KIRREL3: variants seen among roughly 807,000 people sequenced by gnomAD.
The protein encoded by KIRREL3 is kirre like nephrin family adhesion molecule 3, also known as kin of IRRE-like protein 3.
In KIRREL3, 36 loss-of-function variants were observed where a neutral mutation model predicts 89.7. That is an observed-to-expected ratio of 0.40 (90% CI 0.31 to 0.53). KIRREL3 has a LOEUF of 0.53. KIRREL3 is among the 20% of genes least tolerant of loss of function. KIRREL3 has a pLI of 0.49. For synonymous variants in KIRREL3, 445 were observed against 441.4 expected (o/e 1.01, Z -0.10); for missense variants, 864 against 1,056.6 (o/e 0.82, Z 2.53).
intron 1 of KIRREL3, among the ~76,000 whole-genome samples, chr11:126,675,320 G>T (rs1946139789): frequency 6.6e-6 from 1 of 152,158 alleles, no homozygotes; most frequent in Admixed American, 6.5e-5. Context: ...AATGGGCTGG[G>T]TCTTTCTTGC....
Position 126,519,994 on chromosome 11 carries a change from G to A in KIRREL3, c.433+1321C>T, listed in dbSNP as rs1958533496. 6.6e-6 allele frequency among the ~76,000 whole-genome samples: 1 copy of A among 152,146 alleles called. No homozygotes were observed. The highest frequency in any genetic ancestry group is 1.5e-5 in the Non-Finnish European group (1 of 68,028). ...ATTCCTTTCATCGCAGGCCTGGGGA[G>A]ACTCAAAGGTTGCAGGAGGTTTCTG... is the stretch of plus-strand genomic sequence containing the variant. On this transcript the variant is annotated intron_variant, in intron 4 of 16. Coordinates refer to ENST00000525144, the MANE Select transcript of KIRREL3 (RefSeq NM_032531.4). This position sits in a 1 kb window ranked among gnomAD's most constrained non-coding sequence, Gnocchi z 4.3.
At position 126,931,338 on chromosome 11, in the gene KIRREL3, C is replaced by T. The variant is rs904565963; in HGVS notation, c.55+69117G>A. On this transcript the variant is annotated intron_variant, in intron 1 of 16. Coordinates refer to ENST00000525144, the MANE Select transcript of KIRREL3 (RefSeq NM_032531.4). This position sits in a 1 kb window ranked among gnomAD's most constrained non-coding sequence, Gnocchi z 5.1. Reference sequence around the variant, plus strand: ...GACTGGAATCTATTACCTGCCTTTCCTCCCTCCCTCCATACATTCCTTCTT... The same window carrying T: ...GACTGGAATCTATTACCTGCCTTTCTTCCCTCCCTCCATACATTCCTTCTT... Among the ~76,000 whole-genome samples, 2 of 64,430 alleles carry T rather than the reference C, an allele frequency of 3.1e-5. No individual in the cohort carries two copies. The highest frequency in any genetic ancestry group is 5.8e-5 in the Non-Finnish European group (2 of 34,562). The allele number at this position is 64,430 out of a possible 152,430, so 42.3% of individuals were successfully genotyped here.
rs1945092348 is a variant in KIRREL3 at position 126,655,454 on chromosome 11, C to G, written c.56-92542G>C. 6.6e-6 allele frequency among the ~76,000 whole-genome samples: 1 copy of G among 152,106 alleles called. No homozygotes were observed. Among genetic ancestry groups the G allele is most frequent in the Non-Finnish European group, 1.5e-5 (1 of 68,024 alleles). On this transcript the variant is annotated intron_variant, in intron 1 of 16. Coordinates refer to ENST00000525144, the MANE Select transcript of KIRREL3 (RefSeq NM_032531.4). This position sits in a 1 kb window ranked among gnomAD's most constrained non-coding sequence, Gnocchi z 5.0. ...TCTTTTCTCCTTCACCCCTCCACTCCCCCCACAAACAACTGAATTTGGAAG... is the reference window on the plus strand; with the variant it reads ...TCTTTTCTCCTTCACCCCTCCACTCGCCCCACAAACAACTGAATTTGGAAG...
rs572110547 is a variant in KIRREL3, at chr11:126,653,958, T to C, written c.56-91046A>G. On this transcript the variant is annotated intron_variant, in intron 1 of 16. Coordinates refer to ENST00000525144, the MANE Select transcript of KIRREL3 (RefSeq NM_032531.4). This position sits in a 1 kb window ranked among gnomAD's most constrained non-coding sequence, Gnocchi z 5.4. ...AGGGGAAGGTGATACCACTTCTGCC[T>C]AGAGGGTGACCCCCACGCCCAGCAC... Among the ~76,000 whole-genome samples the C allele has an allele frequency of 6.6e-6, 1 of 152,298 alleles. No homozygotes were observed. Among genetic ancestry groups the C allele is most frequent in the East Asian group, 1.9e-4 (1 of 5,176 alleles).
intron 1 of KIRREL3, among the ~76,000 whole-genome samples, chr11:126,621,063 A>T (rs1330517759): frequency 6.6e-6 from 1 of 152,250 alleles, no homozygotes; most frequent in Non-Finnish European, 1.5e-5. Context: ...ATTATTATTC[A>T]TTTCCCATTG....
chr11:126,715,369 C>A lies in KIRREL3; in HGVS notation c.56-152457G>T, dbSNP rs1371031528. ...GGACAGTTGCTGTGCTTCTGCTCTG[C>A]CCTGGCCAGCCTCTGAGGGGGTCTC... On this transcript the variant is annotated intron_variant, in intron 1 of 16. Coordinates refer to ENST00000525144, the MANE Select transcript of KIRREL3 (RefSeq NM_032531.4). The surrounding 1 kb of genome is among the most constrained non-coding windows in gnomAD (Gnocchi z 4.4). Among the ~76,000 whole-genome samples, 1 of 152,142 alleles carries A rather than the reference C, an allele frequency of 6.6e-6. No individual in the cohort carries two copies. The highest frequency in any genetic ancestry group is 1.5e-5 in the Non-Finnish European group (1 of 68,038).
chr11:126,815,150 T>C (rs1255707434), intron 1 of KIRREL3, among the ~76,000 whole-genome samples: 1 of 152,210 alleles, frequency 6.6e-6, no homozygotes, highest in Non-Finnish European at 1.5e-5. Context: ...GCTTGCAGTT[T>C]TGTCTTTATT....
Position 126,704,868 on chromosome 11 carries a change from G to T in KIRREL3, c.56-141956C>A, listed in dbSNP as rs187880079. On this transcript the variant is annotated intron_variant, in intron 1 of 16. Coordinates refer to ENST00000525144, the MANE Select transcript of KIRREL3 (RefSeq NM_032531.4). The surrounding 1 kb of genome is among the most constrained non-coding windows in gnomAD (Gnocchi z 4.2). ...CTCAATAGGCCATCACCCAAGGGAA[G>T]CAGTATTCTCCTCCTGCGACCATGC... Among the ~76,000 whole-genome samples the T allele has an allele frequency of 1.3e-5, 2 of 152,318 alleles. No individual in the cohort carries two copies. Among genetic ancestry groups the T allele is most frequent in the East Asian group, 3.9e-4 (2 of 5,182 alleles).
chr11:126,880,013 G>A (rs1251710418), intron 1 of KIRREL3, among the ~76,000 whole-genome samples: 1 of 152,202 alleles, frequency 6.6e-6, no homozygotes, highest in Non-Finnish European at 1.5e-5. Flanking sequence ...AAAGGCATGA[G>A]GTATTGTGAA....
chr11:126,985,101 C>T lies in KIRREL3; in HGVS notation c.55+15354G>A, dbSNP rs1056498768. 1.3e-5 allele frequency among the ~76,000 whole-genome samples: 2 copies of T among 152,126 alleles called. No homozygotes were observed. The highest frequency in any genetic ancestry group is 2.9e-5 in the Non-Finnish European group (2 of 68,036). ...GCAAGGAAGGATTAAATTATTATCA[C>T]CTTTTCCCCAAGGAGGACTCGGTGC... On this transcript the variant is annotated intron_variant, in intron 1 of 16. Transcript: ENST00000525144. The surrounding 1 kb of genome is among the most constrained non-coding windows in gnomAD (Gnocchi z 5.3).
chr11:126,875,045 C>G (rs1945231551), intron 1 of KIRREL3, among the ~76,000 whole-genome samples: 1 of 152,130 alleles, frequency 6.6e-6, no homozygotes, highest in Non-Finnish European at 1.5e-5. Context: ...GGGGGCTCCT[C>G]ATCTCCATGT....
rs1404785910 is a variant in KIRREL3, at chr11:126,891,236, C to T, written c.55+109219G>A. 6.6e-6 allele frequency among the ~76,000 whole-genome samples: 1 copy of T among 152,196 alleles called. No individual in the cohort carries two copies. Among genetic ancestry groups the T allele is most frequent in the African/African-American group, 2.4e-5 (1 of 41,458 alleles). On this transcript the variant is annotated intron_variant, in intron 1 of 16. Transcript: ENST00000525144. This position sits in a 1 kb window ranked among gnomAD's most constrained non-coding sequence, Gnocchi z 5.1. ...AGGGTGATTAGGAAATAGCATGGCT[C>T]TCTATCTTCTCATGCCTTAGAACTT...
chr11:126,790,690 A>G (rs1950611108), intron 1 of KIRREL3, among the ~76,000 whole-genome samples: 2 of 152,174 alleles, frequency 1.3e-5, no homozygotes, highest in African/African-American at 4.8e-5. Context: ...AGTCATTGCC[A>G]GTGAGTCAGA....
chr11:126,569,304 C>G lies in KIRREL3; in HGVS notation c.56-6392G>C, dbSNP rs1940754012. Among the ~76,000 whole-genome samples the G allele has an allele frequency of 6.6e-6, 1 of 152,122 alleles. No individual in the cohort carries two copies. The highest frequency in any genetic ancestry group is 2.4e-5 in the African/African-American group (1 of 41,416). ...TTGGATGATCATGTGAGAAGGAGTTCTAGGCTGAAGAAATATTTTTAACCA... is the reference window on the plus strand; with the variant it reads ...TTGGATGATCATGTGAGAAGGAGTTGTAGGCTGAAGAAATATTTTTAACCA... On this transcript the variant is annotated intron_variant, in intron 1 of 16. Coordinates refer to ENST00000525144, the MANE Select transcript of KIRREL3 (RefSeq NM_032531.4). The surrounding 1 kb of genome is among the most constrained non-coding windows in gnomAD (Gnocchi z 6.5).
At chr11:126,671,952 G>A (rs554126321) in intron 1 of KIRREL3, among the ~76,000 whole-genome samples, 15 of 152,230 alleles carry the variant, frequency 9.9e-5, no homozygotes, top group African/African-American at 3.6e-4. Context: ...GAAAACTTAC[G>A]TGCACACAAA....
chr11:126,618,051 GTGT>G (rs893379500), intron 1 of KIRREL3, among the ~76,000 whole-genome samples: 3 of 152,198 alleles, frequency 2.0e-5, no homozygotes, highest in African/African-American at 7.2e-5. Flanking sequence ...CATCCCTTCA[GTGT>G]TGTTCTCATG....
intron 1 of KIRREL3, among the ~76,000 whole-genome samples, chr11:126,760,294 G>A (rs1049118012): frequency 1.3e-5 from 2 of 152,180 alleles, no homozygotes; most frequent in African/African-American, 4.8e-5. Flanking sequence ...CATCAAATAT[G>A]TTTCAAACAG....
At position 126,771,054 on chromosome 11, in the gene KIRREL3, T is replaced by C. The variant is rs373437257; in HGVS notation, c.56-208142A>G. 2.0e-5 allele frequency among the ~76,000 whole-genome samples: 3 copies of C among 152,174 alleles called. No homozygotes were observed. Among genetic ancestry groups the C allele is most frequent in the East Asian group, 3.8e-4 (2 of 5,196 alleles). ...TTTTGCCATGTTGACCGGGCTGGGA[T>C]TGAACTCCTGACCTCAGGGTGATCC... On this transcript the variant is annotated intron_variant, in intron 1 of 16. Transcript: ENST00000525144. The surrounding 1 kb of genome is among the most constrained non-coding windows in gnomAD (Gnocchi z 4.4).
At chr11:126,942,600 A>C (rs1163140927) in intron 1 of KIRREL3, among the ~76,000 whole-genome samples, 1 of 152,196 alleles carries the variant, frequency 6.6e-6, no homozygotes, top group African/African-American at 2.4e-5. Context: ...GCCAGACAGG[A>C]AAGCAACTGC....
Sources: gnomAD v4.1 joint callset for allele counts (sites outside exome capture counted in the v4.1 genomes callset) on GRCh38, gnomAD v4.1.1 for gene constraint, Gnocchi (gnomAD v3.1) non-coding constraint, MANE v1.5 for transcripts, NCBI Gene and HGNC (gene_info 2026-07-23, HGNC 2026-07-21) for gene names.